Variants in MAPK10 observed in about 807,000 individuals in gnomAD.
MAPK10 encodes JNK3 alpha protein kinase.
Under a neutral mutation model 59.3 loss-of-function variants are expected in MAPK10, and 25 were observed. The ratio of observed to expected loss-of-function variants is 0.42; its 90% confidence interval spans 0.31 to 0.59. The LOEUF is 0.59. MAPK10 is among the 20% of genes least tolerant of loss of function. The probability of loss-of-function intolerance (pLI) is 0.15; values close to 1 mark genes in which losing one functional copy is unlikely to be tolerated. For synonymous variants in MAPK10, 190 were observed against 200.5 expected (o/e 0.95, Z 0.44); for missense variants, 351 against 568.9 (o/e 0.62, Z 3.90).
intron 2 of MAPK10, among the ~76,000 whole-genome samples, chr4:86,259,278 A>G (rs2093885356): frequency 6.6e-6 from 1 of 152,106 alleles, no homozygotes; most frequent in African/African-American, 2.4e-5. Context: ...TCCATTCCAA[A>G]TCTTTCTCTT....
chr4:86,189,850 C>T (rs1393856137), intron 3 of MAPK10, among the ~76,000 whole-genome samples: 2 of 152,044 alleles, frequency 1.3e-5, no homozygotes, highest in African/African-American at 4.8e-5. Context: ...ATTATTCCAG[C>T]TTTTCCCATT....
rs1479644355 is a variant in MAPK10 at position 86,012,648 on chromosome 4, TA to T, written c.*4579del. On this transcript the variant is annotated 3_prime_UTR_variant, in exon 14 of 14. Coordinates refer to ENST00000641462, the MANE Select transcript of MAPK10 (RefSeq NM_138982.4). ...ATTTTGAAAATAAAAGAAGACAAAA[TA>T]GAAAGGAAAGGGTGTGAGAAAGAAC... is the stretch of plus-strand genomic sequence containing the variant. 1 of 152,056 alleles carries T rather than the reference TA, an allele frequency of 6.6e-6. No homozygotes were observed. Among genetic ancestry groups the T allele is most frequent in the Non-Finnish European group, 1.5e-5 (1 of 67,988 alleles). 9.4% of individuals were successfully genotyped at this position (152,056 alleles called of 1,614,324 possible).
chr4:86,364,009 T>C (rs1453217088), upstream of MAPK10, among the ~76,000 whole-genome samples: 2 of 152,196 alleles, frequency 1.3e-5, no homozygotes, highest in Non-Finnish European at 2.9e-5. Flanking sequence ...CTCGAATTCC[T>C]GAACTCATGT....
chr4:86,543,984 G>A (rs1358663093), intron 1 of MAPK10, among the ~76,000 whole-genome samples: 11 of 152,190 alleles, frequency 7.2e-5, no homozygotes, highest in Admixed American at 7.2e-4. Context: ...CAGTAGAAAT[G>A]TCATTTAAAC....
chr4:86,035,255 C>T (rs1242058858), intron 11 of MAPK10, among the ~76,000 whole-genome samples: 1 of 151,172 alleles, frequency 6.6e-6, no homozygotes, highest in Non-Finnish European at 1.5e-5. Context: ...CCTGTAATCC[C>T]AGCTACTCGG....
chr4:86,516,289 G>A (rs1756654789), intron 1 of MAPK10, among the ~76,000 whole-genome samples: 1 of 152,148 alleles, frequency 6.6e-6, no homozygotes, highest in African/African-American at 2.4e-5. Context: ...CTATAAACTT[G>A]TAGCATAGTT....
intron 2 of MAPK10, among the ~76,000 whole-genome samples, chr4:86,306,457 G>A (rs879294290): frequency 3.9e-5 from 6 of 152,122 alleles, no homozygotes; most frequent in Non-Finnish European, 7.3e-5. Context: ...ACTTCCAGGG[G>A]ACCCCAAATC....
intron 2 of MAPK10, among the ~76,000 whole-genome samples, chr4:86,310,187 T>C (rs1564234772): frequency 6.6e-6 from 1 of 152,136 alleles, no homozygotes; most frequent in Non-Finnish European, 1.5e-5. Flanking sequence ...CCAAAGTACT[T>C]CTTACATGTA....
chr4:86,224,629 ATT>A (rs1383811186), intron 2 of MAPK10, among the ~76,000 whole-genome samples: 1 of 152,224 alleles, frequency 6.6e-6, no homozygotes, highest in Non-Finnish European at 1.5e-5. Context: ...AGGTAGATAT[ATT>A]GACGATCAAA....
chr4:86,351,621 C>A (rs1442913136), intron 2 of MAPK10, among the ~76,000 whole-genome samples: 1 of 151,822 alleles, frequency 6.6e-6, no homozygotes, highest in African/African-American at 2.4e-5. Context: ...TAGATGTTCT[C>A]CCTGGTTCCA....
chr4:86,347,464 G>C (rs1189312381), intron 2 of MAPK10, among the ~76,000 whole-genome samples: 7 of 152,108 alleles, frequency 4.6e-5, no homozygotes, highest in African/African-American at 9.7e-5. Context: ...CTCAAACAGT[G>C]ACAGCCCCAT....
chr4:86,574,307 G>A (rs1394356221), intron 1 of MAPK10, among the ~76,000 whole-genome samples: 2 of 151,760 alleles, frequency 1.3e-5, no homozygotes, highest in African/African-American at 4.8e-5. Context: ...GTCTATCATT[G>A]TTGGACATTT....
intron 1 of MAPK10, among the ~76,000 whole-genome samples, chr4:86,377,218 G>T (rs1043265761): frequency 6.6e-6 from 1 of 152,178 alleles, no homozygotes; most frequent in African/African-American, 2.4e-5. Flanking sequence ...AGACATCCAG[G>T]TTCTCTGTGG....
intron 2 of MAPK10, among the ~76,000 whole-genome samples, chr4:86,349,965 ATGAGAC>A (rs1730316016): frequency 6.6e-6 from 1 of 152,198 alleles, no homozygotes; most frequent in Non-Finnish European, 1.5e-5. Flanking sequence ...AGTAGATGTG[ATGAGAC>A]TGAAGCACAC....
chr4:86,140,466 G>A (rs1308278392), intron 4 of MAPK10, among the ~76,000 whole-genome samples: 1 of 139,696 alleles, frequency 7.2e-6, no homozygotes, highest in East Asian at 2.0e-4. Flanking sequence ...TCTCACTCAT[G>A]GGTGGGAATT....
intron 1 of MAPK10, among the ~76,000 whole-genome samples, chr4:86,484,004 G>C (rs1473087814): frequency 6.6e-6 from 1 of 152,106 alleles, no homozygotes; most frequent in East Asian, 1.9e-4. Context: ...CAAAGGCAGA[G>C]ATTTATGGGA....
chr4:86,560,592 G>A (rs1760603633), intron 1 of MAPK10, among the ~76,000 whole-genome samples: 2 of 152,192 alleles, frequency 1.3e-5, no homozygotes, highest in Admixed American at 6.5e-5. Flanking sequence ...CGCCACTGGG[G>A]CTAAGCACCA....
At chr4:86,452,790 C>G (rs928569959) in intron 1 of MAPK10, among the ~76,000 whole-genome samples, 16 of 152,134 alleles carry the variant, frequency 1.1e-4, no homozygotes, top group African/African-American at 3.6e-4. Flanking sequence ...CTCGGACAGA[C>G]AGAGCAGCGT....
intron 2 of MAPK10, among the ~76,000 whole-genome samples, chr4:86,335,531 C>T (rs893552655): frequency 1.3e-5 from 2 of 152,134 alleles, no homozygotes; most frequent in African/African-American, 4.8e-5. Context: ...TCCTCTCTCA[C>T]CCCCTTCTTC....
Sources: gnomAD v4.1 joint callset for allele counts (sites outside exome capture counted in the v4.1 genomes callset) on GRCh38, gnomAD v4.1.1 for gene constraint, MANE v1.5 for transcripts, NCBI Gene and HGNC (gene_info 2026-07-23, HGNC 2026-07-21) for gene names.